KIAA0319: variants seen among roughly 807,000 people sequenced by gnomAD.
The protein encoded by KIAA0319 is dyslexia-associated protein KIAA0319.
In KIAA0319, 83 loss-of-function variants were observed where a neutral mutation model predicts 108.4. The observed-to-expected ratio is 0.77, with a 90% CI of 0.64 to 0.92. The LOEUF (loss-of-function observed/expected upper bound fraction) is 0.92. Among genes scored for constraint, KIAA0319 ranks in the 40% least tolerant of loss-of-function variants. KIAA0319 has a pLI of 0.00. For missense variants in KIAA0319, 1,195 were observed against 1,322.4 expected, an observed-to-expected ratio of 0.90 and a Z score of 1.49; for synonymous variants, 484 against 510.4, an observed-to-expected ratio of 0.95 and a Z score of 0.70.
intron 1 of KIAA0319, among the ~76,000 whole-genome samples, chr6:24,639,846 TA>T (rs34542799): frequency 6.1e-4 from 82 of 134,864 alleles, no homozygotes; most frequent in Non-Finnish European, 6.9e-4. Context: ...GACTCCATCT[TA>T]AAAAAAAAAA....
At chr6:24,587,937 C>A (rs1203107773) in intron 4 of KIAA0319, among the ~76,000 whole-genome samples, 1 of 152,184 alleles carries the variant, frequency 6.6e-6, no homozygotes, top group Non-Finnish European at 1.5e-5. Context: ...CTGCTTAAAA[C>A]CATTCAGGGA....
At position 24,596,207 on chromosome 6, in the gene KIAA0319, T is replaced by A; in HGVS notation, c.467A>T (p.Tyr156Phe). The part of the protein sequence containing the change: ...KDWGLEEMSE[Y>F]SDDYRELEKD... ...CTCCAGCTCCCGGTAGTCATCTGAG[T>A]ACTCAGACATCTCCTCTAGGCCCCA... The change falls in exon 3 of 21, where the codon TAC becomes TTC. Residue 156 changes from tyrosine to phenylalanine, a missense_variant. Transcript: ENST00000378214. 6.2e-7 allele frequency: 1 copy of A among 1,614,154 alleles called. No individual in the cohort carries two copies. Among genetic ancestry groups the A allele is most frequent in the African/African-American group, 1.3e-5 (1 of 75,046 alleles).
In KIAA0319 at chr6:24,583,660, G is replaced by A; in HGVS notation, c.1037C>T (p.Thr346Ile). 6.2e-7 allele frequency: 1 copy of A among 1,613,772 alleles called. No homozygotes were observed. Among genetic ancestry groups the A allele is most frequent in the African/African-American group, 1.3e-5 (1 of 75,012 alleles). The change falls in exon 5 of 21, where the codon ACT (threonine) becomes ATT (isoleucine). Residue 346 changes from threonine (T) to isoleucine (I), a missense_variant. Transcript: ENST00000378214. ...TVSAGDNLII[T>I]LPDNEVELKA... Reference sequence around the variant, plus strand: ...CAGTTCAACTTCATTGTCGGGTAAAGTTATAATTAGGTTATCTCCAGCCGA... The same window carrying A: ...CAGTTCAACTTCATTGTCGGGTAAAATTATAATTAGGTTATCTCCAGCCGA...
At chr6:24,614,133 CTG>C (rs1772795665) in intron 1 of KIAA0319, among the ~76,000 whole-genome samples, 1 of 152,200 alleles carries the variant, frequency 6.6e-6, no homozygotes, top group Admixed American at 6.5e-5. Context: ...TTTCCTAAGA[CTG>C]TGATGAATTG....
At chr6:24,637,763 A>G (rs561056342) in intron 1 of KIAA0319, among the ~76,000 whole-genome samples, 13 of 152,280 alleles carry the variant, frequency 8.5e-5, no homozygotes, top group Admixed American at 7.8e-4. Context: ...TGGTCCAAGA[A>G]GGATCCCGCC....
At chr6:24,612,492 C>T (rs1772482434) in intron 1 of KIAA0319, among the ~76,000 whole-genome samples, 1 of 151,990 alleles carries the variant, frequency 6.6e-6, no homozygotes, top group Non-Finnish European at 1.5e-5. Context: ...GAAAGAAAAA[C>T]TAGAAACAAC....
chr6:24,609,180 A>C (rs1771910382), intron 1 of KIAA0319, among the ~76,000 whole-genome samples: 1 of 145,632 alleles, frequency 6.9e-6, no homozygotes, highest in South Asian at 2.3e-4. Flanking sequence ...AGGCACGAGA[A>C]TTGCTTGAAC....
chr6:24,637,771 G>A (rs9393572), intron 1 of KIAA0319, among the ~76,000 whole-genome samples: 47,215 of 151,650 alleles, frequency 0.31, 9,070 homozygotes, highest in East Asian at 0.7. Context: ...GAAGGATCCC[G>A]CCTATCAGCT....
At chr6:24,613,189 G>A (rs1772623253) in intron 1 of KIAA0319, among the ~76,000 whole-genome samples, 1 of 152,056 alleles carries the variant, frequency 6.6e-6, no homozygotes, top group South Asian at 2.1e-4. Flanking sequence ...TCGGCATTAA[G>A]AGCTTCGAGT....
At chr6:24,609,500 C>T (rs1771991251) in intron 1 of KIAA0319, among the ~76,000 whole-genome samples, 1 of 150,928 alleles carries the variant, frequency 6.6e-6, no homozygotes, top group Admixed American at 6.6e-5. Flanking sequence ...TTGCTTGAAC[C>T]CGGGAGAGGA....
intron 4 of KIAA0319, among the ~76,000 whole-genome samples, chr6:24,587,744 G>A (rs866146414): frequency 1.3e-5 from 2 of 151,494 alleles, no homozygotes; most frequent in East Asian, 1.9e-4. Flanking sequence ...GTGCCACCAC[G>A]CCCAGCTAAT....
intron 18 of KIAA0319, among the ~76,000 whole-genome samples, chr6:24,555,496 C>CAAAAAAAAAAAAAAAAAAAAAAAAA (rs34005198): frequency 1.2e-5 from 1 of 80,892 alleles, no homozygotes; most frequent in Non-Finnish European, 2.4e-5. Context: ...GACTCCATCT[C>CAAAAAAAAAAAAAAAAAAAAAAAAA]AAAAAAAAAA....
rs767485411 is a variant in KIAA0319 at position 24,570,043 on chromosome 6, T to C, written c.1859-8A>G. Reference sequence around the variant, plus strand: ...CTGGAGGTCTATTGTTTTCTGGAATTACAGAAACAGTGTGAAAAAGTATTA... The same window carrying C: ...CTGGAGGTCTATTGTTTTCTGGAATCACAGAAACAGTGTGAAAAAGTATTA... On this transcript the variant is annotated splice_polypyrimidine_tract_variant and splice_region_variant and intron_variant, in intron 11 of 20. Coordinates refer to ENST00000378214, the MANE Select transcript of KIAA0319 (RefSeq NM_014809.4). 1.2e-5 allele frequency: 19 copies of C among 1,612,700 alleles called. No individual in the cohort carries two copies. Among genetic ancestry groups the C allele is most frequent in the Non-Finnish European group, 1.3e-5 (15 of 1,179,422 alleles).
chr6:24,612,664 T>C (rs1393675140), intron 1 of KIAA0319, among the ~76,000 whole-genome samples: 1 of 152,194 alleles, frequency 6.6e-6, no homozygotes, highest in Non-Finnish European at 1.5e-5. Context: ...ACTCACCTCT[T>C]GTGGGAAAGC....
At chr6:24,641,858 C>G (rs1388221715) in intron 1 of KIAA0319, among the ~76,000 whole-genome samples, 1 of 151,818 alleles carries the variant, frequency 6.6e-6, no homozygotes, top group African/African-American at 2.4e-5. Context: ...ATGGCAAGAT[C>G]TTGTCTCTAT....
At chr6:24,548,825 A>G (rs1224209675) in intron 20 of KIAA0319, among the ~76,000 whole-genome samples, 2 of 152,210 alleles carry the variant, frequency 1.3e-5, no homozygotes, top group African/African-American at 4.8e-5. Context: ...AAAAGCAGAG[A>G]AATGACACTA....
In KIAA0319 at chr6:24,580,975, A is replaced by G. The variant is rs1303328953; in HGVS notation, c.1230T>C (p.Ser410=). Residue 410 remains serine, a synonymous_variant, in exon 7 of 21, where the codon TCT becomes TCC. Transcript: ENST00000378214. ...ATCCTTCTCCAAAGGCGTTTTCACT[A>G]GAAACAGTGACTTTGAAGACATAAA... ...VGLYVFKVTV[S]SENAFGEGFV... 3 of 1,613,032 alleles carry G rather than the reference A, an allele frequency of 1.9e-6. No individual in the cohort carries two copies. Among genetic ancestry groups the G allele is most frequent in the Admixed American group, 1.7e-5 (1 of 59,928 alleles).
intron 19 of KIAA0319, 111 bp downstream of exon 19, chr6:24,554,426 GCATT>G: frequency 1.3e-6 from 1 of 742,992 alleles, no homozygotes; most frequent in Non-Finnish European, 2.3e-6. Context: ...GGCAGAAAGT[GCATT>G]ATTATAATAA....
intron 1 of KIAA0319, among the ~76,000 whole-genome samples, chr6:24,643,830 G>A (rs561290960): frequency 2.0e-5 from 3 of 152,312 alleles, no homozygotes; most frequent in Non-Finnish European, 2.9e-5. Context: ...CAGGAATTTC[G>A]TTAAGTAGGT....
Sources: gnomAD v4.1 joint callset for allele counts (sites outside exome capture counted in the v4.1 genomes callset) on GRCh38, gnomAD v4.1.1 for gene constraint, MANE v1.5 for transcripts, NCBI Gene and HGNC (gene_info 2026-07-23, HGNC 2026-07-21) for gene names.